ABCC4: variants seen among roughly 807,000 people sequenced by gnomAD.
ABCC4 encodes ATP-binding cassette sub-family C member 4.
ABCC4 carries 102 observed loss-of-function variants against 168.5 expected under a neutral mutation model. That is an observed-to-expected ratio of 0.61 (90% CI 0.52 to 0.71). The LOEUF (loss-of-function observed/expected upper bound fraction) is 0.71. Ranked by LOEUF, ABCC4 falls within the 30% of genes least tolerant of loss-of-function variation. The pLI is 0.00. For missense variants in ABCC4, 1,402 were observed against 1,605.8 expected (o/e 0.87, Z 2.17); for synonymous variants, 617 against 590.7 (o/e 1.04, Z -0.65).
chr13:95,040,986 T>C (rs2032332818), intron 29 of ABCC4, among the ~76,000 whole-genome samples: 1 of 152,146 alleles, frequency 6.6e-6, no homozygotes, highest in African/African-American at 2.4e-5. Flanking sequence ...CAGAGCGTTG[T>C]AAGGACGGGT....
intron 3 of ABCC4, among the ~76,000 whole-genome samples, chr13:95,235,732 G>A (rs2039747964): frequency 6.9e-5 from 1 of 14,544 alleles, no homozygotes; most frequent in South Asian, 1.9e-3. Flanking sequence ...ACCAGACTTG[G>A]GAGGATTCCA....
intron 1 of ABCC4, among the ~76,000 whole-genome samples, chr13:95,270,862 G>A (rs984855500): frequency 3.9e-5 from 6 of 152,180 alleles, no homozygotes; most frequent in Admixed American, 1.3e-4. Flanking sequence ...TTGGGAGGCC[G>A]AGGCGAGACG....
chr13:95,098,151 A>AAT (rs1310566153), intron 20 of ABCC4, among the ~76,000 whole-genome samples: 1 of 151,626 alleles, frequency 6.6e-6, no homozygotes, highest in Middle Eastern at 3.2e-3. Flanking sequence ...AAAAAAAAAA[A>AAT]AGTCAACTCA....
At chr13:95,286,451 G>A (rs907461924) in intron 1 of ABCC4, among the ~76,000 whole-genome samples, 1 of 151,868 alleles carries the variant, frequency 6.6e-6, no homozygotes, top group African/African-American at 2.4e-5. Context: ...TAATAATAAC[G>A]CACCTTATTA....
intron 4 of ABCC4, among the ~76,000 whole-genome samples, chr13:95,230,987 G>A (rs978177396): frequency 6.6e-6 from 1 of 152,176 alleles, no homozygotes; most frequent in Non-Finnish European, 1.5e-5. Flanking sequence ...ATACAACACA[G>A]ATAATCCCTG....
intron 25 of ABCC4, among the ~76,000 whole-genome samples, chr13:95,063,190 T>C (rs2033369106): frequency 3.9e-5 from 6 of 152,200 alleles, no homozygotes. Flanking sequence ...AGATCCACTG[T>C]TCTAAAAAAG....
At position 95,238,211 on chromosome 13, in the gene ABCC4, A is replaced by G. The variant is rs554866088; in HGVS notation, c.307-3377T>C. ...TCCATCTCAGAAAAAAAAAAAAAAA[A>G]AAAAAGAAATGGGGGAACAGGGGAC... On this transcript the variant is annotated intron_variant, in intron 3 of 30. Coordinates refer to ENST00000645237, the MANE Select transcript of ABCC4 (RefSeq NM_005845.5). Among the ~76,000 whole-genome samples, 455 of 151,722 alleles carry G rather than the reference A, an allele frequency of 3.0e-3. 1 individual carries two copies. Among genetic ancestry groups the G allele is most frequent in the African/African-American group, 0.01 (417 of 41,314 alleles).
At chr13:95,194,799 C>T in intron 9 of ABCC4, 37 bp downstream of exon 9, 3 of 1,532,820 alleles carry the variant, frequency 2.0e-6, no homozygotes, top group Non-Finnish European at 1.8e-6. Flanking sequence ...CACTCATTAT[C>T]TTCAGCAGTC....
chr13:95,290,406 G>A (rs769890383), intron 1 of ABCC4, among the ~76,000 whole-genome samples: 1 of 152,072 alleles, frequency 6.6e-6, no homozygotes, highest in Non-Finnish European at 1.5e-5. Flanking sequence ...GAGCCAGCTT[G>A]TGTTAAGAGG....
intron 21 of ABCC4, among the ~76,000 whole-genome samples, chr13:95,078,938 G>A (rs1194886118): frequency 6.6e-6 from 1 of 152,134 alleles, no homozygotes; most frequent in Non-Finnish European, 1.5e-5. Context: ...TCTCCAACTG[G>A]GTTTCAGGGC....
intron 8 of ABCC4, among the ~76,000 whole-genome samples, chr13:95,196,023 G>A (rs2038405746): frequency 6.6e-6 from 1 of 152,092 alleles, no homozygotes; most frequent in African/African-American, 2.4e-5. Flanking sequence ...ACACTAGTTA[G>A]CAACTACACA....
intron 20 of ABCC4, among the ~76,000 whole-genome samples, chr13:95,105,789 A>G (rs2034982324): frequency 6.6e-6 from 1 of 152,186 alleles, no homozygotes. Context: ...TCTGCTGTCC[A>G]ACCCCAAGAT....
At chr13:95,159,145 G>C (rs1251228207) in intron 19 of ABCC4, among the ~76,000 whole-genome samples, 1 of 102,746 alleles carries the variant, frequency 9.7e-6, no homozygotes, top group East Asian at 3.4e-4. Flanking sequence ...CTATTGAAGT[G>C]CATACAATCA....
intron 1 of ABCC4, among the ~76,000 whole-genome samples, chr13:95,294,635 C>T (rs1460350413): frequency 6.6e-6 from 1 of 152,182 alleles, no homozygotes; most frequent in African/African-American, 2.4e-5. Context: ...TCATGGTCAC[C>T]TCTGACCACA....
chr13:95,091,428 T>C (rs2034431148), intron 20 of ABCC4, among the ~76,000 whole-genome samples: 1 of 152,114 alleles, frequency 6.6e-6, no homozygotes, highest in Non-Finnish European at 1.5e-5. Context: ...GGAAAACCTA[T>C]CAGATTAACA....
chr13:95,075,638 C>T (rs2033873928), intron 21 of ABCC4, 87 bp from the exon 22 acceptor site: 1 of 1,562,714 alleles, frequency 6.4e-7, no homozygotes, highest in Admixed American at 1.8e-5. Context: ...ACGTATCCAC[C>T]AAACAGCACA....
intron 14 of ABCC4, 96 bp from the exon 15 acceptor site, chr13:95,166,463 T>C: frequency 9.4e-7 from 1 of 1,062,224 alleles, no homozygotes; most frequent in Non-Finnish European, 1.4e-6. Flanking sequence ...TGATCTTAAG[T>C]TATGATTATA....
At chr13:95,262,428 T>A (rs2040555132) in intron 1 of ABCC4, among the ~76,000 whole-genome samples, 1 of 152,166 alleles carries the variant, frequency 6.6e-6, no homozygotes, top group Non-Finnish European at 1.5e-5. Flanking sequence ...GATACCTAAA[T>A]AAAGATAGAG....
chr13:95,167,670 A>G (rs2037328357), intron 14 of ABCC4, among the ~76,000 whole-genome samples: 1 of 152,220 alleles, frequency 6.6e-6, no homozygotes, highest in Admixed American at 6.5e-5. Context: ...ACCACTTTTC[A>G]CATAGTATCT....
Sources: gnomAD v4.1 joint callset for allele counts (sites outside exome capture counted in the v4.1 genomes callset) on GRCh38, gnomAD v4.1.1 for gene constraint, MANE v1.5 for transcripts, NCBI Gene and HGNC (gene_info 2026-07-23, HGNC 2026-07-21) for gene names.